Variants in TMPRSS3 observed in about 807,000 individuals in gnomAD.
TMPRSS3 encodes transmembrane protease serine 3.
TMPRSS3 carries 55 observed loss-of-function variants against 59.6 expected under a neutral mutation model. The ratio of observed to expected loss-of-function variants is 0.92; its 90% CI spans 0.74 to 1.16. The LOEUF is 1.16. Among genes scored for constraint, TMPRSS3 ranks in the 50% most tolerant of loss-of-function variants. TMPRSS3 has a pLI of 0.00. For synonymous variants in TMPRSS3, 257 were observed against 237.7 expected, an observed-to-expected ratio of 1.08 and a Z score of -0.75; for missense variants, 596 against 579.4, an observed-to-expected ratio of 1.03 and a Z score of -0.29.
At chr21:42,394,186 CA>C (rs1301032361) in intron 2 of TMPRSS3, among the ~76,000 whole-genome samples, 1 of 151,522 alleles carries the variant, frequency 6.6e-6, no homozygotes, top group Non-Finnish European at 1.5e-5. Flanking sequence ...TTAGTCATAG[CA>C]AAATAATCAA....
chr21:42,372,918 C>G (rs1344328613), intron 12 of TMPRSS3, 139 bp from the exon 13 acceptor site: 2 of 958,708 alleles, frequency 2.1e-6, no homozygotes, highest in Non-Finnish European at 3.3e-6. Context: ...TTGGCCTCCC[C>G]CTGGGGCTGC....
rs2052351603 is a variant in TMPRSS3 at position 42,372,504 on chromosome 21, G to A, written c.*258C>T. ...GAACCAGGGAAGCGGAGGCTGCAGT[G>A]AGCAGGGATTTCGCCACTGCACTCC... On this transcript the variant is annotated 3_prime_UTR_variant, in exon 13 of 13. Coordinates refer to ENST00000644384, the MANE Select transcript of TMPRSS3 (RefSeq NM_001256317.3). 1.6e-6 allele frequency: 1 copy of A among 637,332 alleles called. No homozygotes were observed. Among genetic ancestry groups the A allele is most frequent in the African/African-American group, 1.8e-5 (1 of 55,774 alleles). The allele number at this position is 637,332 out of a possible 1,614,324, so 39.5% of individuals were successfully genotyped here.
intron 2 of TMPRSS3, among the ~76,000 whole-genome samples, chr21:42,393,794 A>G (rs2052764191): frequency 6.6e-6 from 1 of 152,210 alleles, no homozygotes; most frequent in Non-Finnish European, 1.5e-5. Context: ...TGAACAAATG[A>G]GCATGTCTGT....
At chr21:42,377,792 C>T (rs1037348742) in intron 10 of TMPRSS3, among the ~76,000 whole-genome samples, 6 of 152,238 alleles carry the variant, frequency 3.9e-5, no homozygotes, top group East Asian at 1.9e-4. Context: ...CTGCCCGGAA[C>T]GTGGCGAAAC....
chr21:42,376,504 C>T, intron 11 of TMPRSS3, 37 bp downstream of exon 11: 1 of 1,611,182 alleles, frequency 6.2e-7, no homozygotes, highest in Non-Finnish European at 8.5e-7. Context: ...GGCTGGGTCA[C>T]CCTGCCACGG....
intron 12 of TMPRSS3, among the ~76,000 whole-genome samples, chr21:42,374,907 C>T (rs767325659): frequency 1.2e-4 from 18 of 152,146 alleles, no homozygotes; most frequent in African/African-American, 3.6e-4. Context: ...AGGGCCTGTG[C>T]GCACTGTTTC....
rs985620612 is a variant in TMPRSS3 at position 42,376,740 on chromosome 21, G to T, written c.1049-57C>A. On this transcript the variant is annotated intron_variant, in intron 10 of 12. Coordinates refer to ENST00000644384, the MANE Select transcript of TMPRSS3 (RefSeq NM_001256317.3). ...AGAAGGAAGCCCGGCCCAAAACACAGAAGGCGCATGCTGAGACCAGGGGGG... is the reference window on the plus strand; with the variant it reads ...AGAAGGAAGCCCGGCCCAAAACACATAAGGCGCATGCTGAGACCAGGGGGG... The T allele has an allele frequency of 5.6e-6, 9 of 1,612,276 alleles. No individual in the cohort carries two copies. The African/African-American group carries it at 1.2e-4, about 22-fold the overall frequency.
chr21:42,375,990 C>G (rs553398153), intron 11 of TMPRSS3, 122 bp from the exon 12 acceptor site: 34 of 1,290,620 alleles, frequency 2.6e-5, no homozygotes, highest in Admixed American at 1.0e-4. Flanking sequence ...TCATGATGTC[C>G]CAATGGATGA....
At chr21:42,376,852 C>A (rs2052439244) in intron 10 of TMPRSS3, among the ~76,000 whole-genome samples, 169 bp from the exon 11 acceptor site, 1 of 152,158 alleles carries the variant, frequency 6.6e-6, no homozygotes, top group African/African-American at 2.4e-5. Flanking sequence ...CGAGCAGACT[C>A]CCACTGTCTC....
chr21:42,381,918 G>A (rs891276466), intron 9 of TMPRSS3, 147 bp downstream of exon 9: 2 of 1,024,074 alleles, frequency 2.0e-6, no homozygotes, highest in African/African-American at 1.6e-5. Context: ...ATCAACTGAT[G>A]CCAACACCAA....
rs111033537 is a variant in TMPRSS3 at position 42,376,552 on chromosome 21, C to T, written c.1180G>A (p.Asp394Asn). The change falls in exon 11 of 13, where the codon GAC becomes AAC. Residue 394 changes from aspartate to asparagine, a missense_variant. Asp to Asn is a conservative substitution (Grantham distance 23, BLOSUM62 1). Coordinates refer to ENST00000644384, the MANE Select transcript of TMPRSS3 (RefSeq NM_001256317.3). Reference protein sequence around the residue: ...LCAGYLTGGVDSCQGDSGGPL... With the variant: ...LCAGYLTGGVNSCQGDSGGPL... The stretch of plus-strand genomic sequence containing the variant: ...CTGCGGCCCCGTACCTGGCAGCTGT[C>T]CACGCCACCCGTCAGGTAGCCCGCG... The T allele has an allele frequency of 1.2e-6, 2 of 1,613,428 alleles. No individual in the cohort carries two copies. Among genetic ancestry groups the T allele is most frequent in the Non-Finnish European group, 1.7e-6 (2 of 1,179,896 alleles).
rs574828840 is a variant in TMPRSS3, at chr21:42,388,698, C to T, written c.323-172G>A. Among the ~76,000 whole-genome samples, 2 of 152,324 alleles carry T rather than the reference C, an allele frequency of 1.3e-5. No homozygotes were observed. Among genetic ancestry groups the T allele is most frequent in the East Asian group, 1.9e-4 (1 of 5,184 alleles). ...GTGACTCTGGATCCCTGAGACTTCTCGCTGGTCTCATCTTATTGCTTATGT... is the reference window on the plus strand; with the variant it reads ...GTGACTCTGGATCCCTGAGACTTCTTGCTGGTCTCATCTTATTGCTTATGT... On this transcript the variant is annotated intron_variant, in intron 4 of 12. Coordinates refer to ENST00000644384, the MANE Select transcript of TMPRSS3 (RefSeq NM_001256317.3). This position sits in a 1 kb window ranked among gnomAD's most constrained non-coding sequence, Gnocchi z 5.1.
chr21:42,392,087 G>T (rs551645061), intron 2 of TMPRSS3, among the ~76,000 whole-genome samples: 64 of 152,254 alleles, frequency 4.2e-4, no homozygotes, highest in Non-Finnish European at 8.7e-4. Context: ...CCTGCCCAGG[G>T]TCACACAATT....
intron 10 of TMPRSS3, among the ~76,000 whole-genome samples, chr21:42,378,126 G>A (rs1450349129): frequency 6.6e-6 from 1 of 152,272 alleles, no homozygotes; most frequent in Admixed American, 6.5e-5. Context: ...CCCTGGACCA[G>A]CCACACTGGC....
At chr21:42,394,479 T>C (rs1357408721) in intron 2 of TMPRSS3, among the ~76,000 whole-genome samples, 1 of 152,220 alleles carries the variant, frequency 6.6e-6, no homozygotes, top group African/African-American at 2.4e-5. Context: ...GTCAGGTGAT[T>C]GCAAGATTTT....
At chr21:42,382,659 A>G (rs2052553303) in intron 8 of TMPRSS3, 5 of 404,430 alleles carry the variant, frequency 1.2e-5, no homozygotes, top group East Asian at 5.4e-5. Context: ...CTGGCCCCCA[A>G]CATATTCCCT....
rs757448130 is a variant in TMPRSS3, at chr21:42,395,333, C to G, written c.85G>C (p.Val29Leu). The change falls in exon 2 of 13, where the codon GTT (valine) becomes CTT (leucine). Residue 29 changes from valine to leucine, a missense_variant. Coordinates refer to ENST00000644384, the MANE Select transcript of TMPRSS3 (RefSeq NM_001256317.3). ...FGLDDLKISP[V>L]APDADAVAAQ... ...ACCTGGGTCCACTTACCTGGTGCAA[C>G]AGGACTTATTTTCAAATCATCAAGG... 1 of 1,613,838 alleles carries G rather than the reference C, an allele frequency of 6.2e-7. No homozygotes were observed.
rs1460220140 is a variant in TMPRSS3, at chr21:42,372,484, AG to A, written c.*277del. The A allele has an allele frequency of 1.7e-6, 1 of 601,768 alleles. No homozygotes were observed. Among genetic ancestry groups the A allele is most frequent in the African/African-American group, 1.8e-5 (1 of 54,874 alleles). The allele number at this position is 601,768 out of a possible 1,614,324, so 37.3% of individuals were successfully genotyped here. A position where few individuals can be genotyped will look rare whatever the true frequency, so the allele number is the denominator to read the frequency against. On this transcript the variant is annotated 3_prime_UTR_variant, in exon 13 of 13. Transcript: ENST00000644384. The stretch of plus-strand genomic sequence containing the variant: ...CTGAGGCAAGAGAATCGCTTGAACC[AG>A]GGAAGCGGAGGCTGCAGTGAGCAGG...
At chr21:42,386,777 GTTATT>G (rs1296686265) in intron 5 of TMPRSS3, among the ~76,000 whole-genome samples, 52 of 69,612 alleles carry the variant, frequency 7.5e-4, no homozygotes, top group African/African-American at 4.3e-3. Context: ...CCGTCCTTTG[GTTATT>G]TATTTATTTA....
Sources: allele counts gnomAD v4.1 joint callset (sites outside exome capture counted in the v4.1 genomes callset), GRCh38; gene constraint gnomAD v4.1.1; non-coding constraint Gnocchi (gnomAD v3.1); transcripts MANE v1.5; gene names NCBI Gene and HGNC (gene_info 2026-07-23, HGNC 2026-07-21).